The following EYS variants were observed in gnomAD, a reference collection of about 807,000 sequenced individuals.
EYS encodes EGF-like photoreceptor maintenance factor, also known as protein eyes shut homolog.
Under a neutral mutation model 282.1 loss-of-function variants are expected in EYS, and 250 were observed. The observed-to-expected ratio is 0.89, with a 90% confidence interval of 0.80 to 0.98. EYS has a LOEUF of 0.98. EYS is among the 50% of genes least tolerant of loss of function. The probability of loss-of-function intolerance (pLI) is 0.00; values close to 1 mark genes in which losing one functional copy is unlikely to be tolerated. For missense variants in EYS, 4,016 were observed against 3,709.0 expected (o/e 1.08, Z -2.15); for synonymous variants, 1,355 against 1,282.9 (o/e 1.06, Z -1.20).
At chr6:65,668,550 AT>A (rs1414244815) in intron 1 of EYS, among the ~76,000 whole-genome samples, 4 of 151,914 alleles carry the variant, frequency 2.6e-5, no homozygotes, top group Non-Finnish European at 5.9e-5. Flanking sequence ...AAACAAAAAA[AT>A]ATGTATTATC....
At chr6:65,348,599 C>T (rs1019056605) in intron 9 of EYS, among the ~76,000 whole-genome samples, 1 of 151,554 alleles carries the variant, frequency 6.6e-6, no homozygotes, top group Non-Finnish European at 1.5e-5. Flanking sequence ...GTTGTTTGAG[C>T]TCCTTCTGTA....
chr6:65,088,134 T>G (rs1056385864), intron 12 of EYS, among the ~76,000 whole-genome samples: 1 of 152,146 alleles, frequency 6.6e-6, no homozygotes, highest in African/African-American at 2.4e-5. Flanking sequence ...ACTTCTTTCC[T>G]TTGTAAATTA....
At chr6:65,664,113 G>A (rs1049923228) in intron 1 of EYS, among the ~76,000 whole-genome samples, 2 of 151,844 alleles carry the variant, frequency 1.3e-5, no homozygotes, top group Admixed American at 6.6e-5. Flanking sequence ...CTCGTGATCC[G>A]CCTGCCTCGG....
chr6:64,902,064 T>C, intron 18 of EYS, 49 bp downstream of exon 18: 1 of 1,102,342 alleles, frequency 9.1e-7, no homozygotes. Flanking sequence ...CACTTTCTTG[T>C]TGAATTACAC....
intron 19 of EYS, among the ~76,000 whole-genome samples, chr6:64,861,305 T>G (rs1202371870): frequency 6.6e-6 from 1 of 152,194 alleles, no homozygotes; most frequent in African/African-American, 2.4e-5. Context: ...ACAGCTGGGT[T>G]GCAACAGCAC....
intron 19 of EYS, among the ~76,000 whole-genome samples, chr6:64,880,270 TA>T (rs939315069): frequency 2.6e-5 from 4 of 151,988 alleles, no homozygotes; most frequent in Admixed American, 6.6e-5. Context: ...TAACTATAGC[TA>T]AAATTCTGAG....
At chr6:64,897,202 AGC>A (rs566118916) in intron 18 of EYS, among the ~76,000 whole-genome samples, 123 of 152,184 alleles carry the variant, frequency 8.1e-4, no homozygotes, top group Non-Finnish European at 1.3e-3. Flanking sequence ...CATACAGGAG[AGC>A]TCTGGTTGGC....
intron 30 of EYS, among the ~76,000 whole-genome samples, chr6:64,231,362 A>C (rs1478443897): frequency 6.6e-6 from 1 of 152,118 alleles, no homozygotes; most frequent in Non-Finnish European, 1.5e-5. Flanking sequence ...AACAACAACA[A>C]AAGTCTCTCT....
At chr6:65,661,760 G>A (rs747733307) in intron 1 of EYS, among the ~76,000 whole-genome samples, 1 of 152,080 alleles carries the variant, frequency 6.6e-6, no homozygotes, top group Non-Finnish European at 1.5e-5. Context: ...GCAAATGTAT[G>A]AAGATGGTAA....
rs1768410205 is a variant in EYS at position 65,442,898 on chromosome 6, GTATATATACATGCACATACATA to G, written c.863-37553_863-37532del. Among the ~76,000 whole-genome samples, 2 of 90,230 alleles carry G rather than the reference GTATATATACATGCACATACATA, an allele frequency of 2.2e-5. 1 individual carries two copies. The highest frequency in any genetic ancestry group is 6.0e-5 in the Non-Finnish European group (2 of 33,418). The allele number at this position is 90,230 out of a possible 152,430, so 59.2% of individuals were successfully genotyped here. On this transcript the variant is annotated intron_variant, in intron 5 of 42. Transcript: ENST00000503581. ...TATACACATACATATGTACATATAT[GTATATATACATGCACATACATA>G]TGTACATATATGTATATACGTATAT...
At chr6:64,229,085 G>A (rs953941416) in intron 31 of EYS, among the ~76,000 whole-genome samples, 6 of 152,094 alleles carry the variant, frequency 3.9e-5, no homozygotes, top group African/African-American at 1.2e-4. Flanking sequence ...GACCATCCTG[G>A]CTAACGTGGT....
intron 2 of EYS, among the ~76,000 whole-genome samples, chr6:65,525,189 T>C (rs765383215): frequency 2.0e-5 from 3 of 152,130 alleles, no homozygotes; most frequent in Non-Finnish European, 2.9e-5. Flanking sequence ...CATTTGAAGA[T>C]AGGGCTCAAT....
intron 30 of EYS, among the ~76,000 whole-genome samples, chr6:64,261,785 TTG>T (rs999610047): frequency 2.0e-4 from 16 of 79,858 alleles, no homozygotes; most frequent in Admixed American, 1.5e-3. Context: ...TTAGGTTATT[TTG>T]TTTTTTTTTT....
intron 40 of EYS, among the ~76,000 whole-genome samples, chr6:63,766,648 C>A (rs1190230299): frequency 6.6e-6 from 1 of 151,978 alleles, no homozygotes; most frequent in Admixed American, 6.6e-5. Context: ...AGTCTTCTAA[C>A]CTTTCTAGTT....
intron 19 of EYS, among the ~76,000 whole-genome samples, chr6:64,833,258 A>G (rs1191594052): frequency 1.3e-5 from 2 of 151,950 alleles, no homozygotes; most frequent in Non-Finnish European, 2.9e-5. Flanking sequence ...AATTCTTTAA[A>G]TGAATAATGA....
chr6:65,366,929 C>T (rs1291985529), intron 8 of EYS, among the ~76,000 whole-genome samples: 3 of 151,674 alleles, frequency 2.0e-5, no homozygotes, highest in African/African-American at 7.2e-5. Flanking sequence ...TTCTCTGTCT[C>T]TGATTCTGTA....
At chr6:64,356,175 A>T (rs999137223) in intron 29 of EYS, among the ~76,000 whole-genome samples, 2 of 151,428 alleles carry the variant, frequency 1.3e-5, no homozygotes, top group African/African-American at 4.8e-5. Context: ...GCACTTGGTG[A>T]CTTGCCATTT....
chr6:64,810,660 C>A lies in EYS; in HGVS notation c.3443+2718G>T, dbSNP rs114398107. ...ATTCTAAAATAATTATAAGAGCAAG[C>A]CTATGGAATATTCTGCAGGTCATTA... On this transcript the variant is annotated intron_variant, in intron 22 of 42. Coordinates refer to ENST00000503581, the MANE Select transcript of EYS (RefSeq NM_001142800.2). Among the ~76,000 whole-genome samples the A allele has an allele frequency of 1.6e-3, 244 of 151,996 alleles. 1 individual carries two copies. The highest frequency in any genetic ancestry group is 5.5e-3 in the African/African-American group (228 of 41,518).
intron 29 of EYS, among the ~76,000 whole-genome samples, chr6:64,347,206 A>G (rs1771439597): frequency 6.6e-6 from 1 of 151,488 alleles, no homozygotes; most frequent in Non-Finnish European, 1.5e-5. Flanking sequence ...TTAATTAATT[A>G]CAATATATCT....
Sources: allele counts gnomAD v4.1 joint callset (sites outside exome capture counted in the v4.1 genomes callset), GRCh38; gene constraint gnomAD v4.1.1; transcripts MANE v1.5; gene names NCBI Gene and HGNC (gene_info 2026-07-23, HGNC 2026-07-21).